The following MCTP1 variants were observed in gnomAD, a reference collection of about 807,000 sequenced individuals.
MCTP1 encodes multiple C2 and transmembrane domain-containing protein 1.
In MCTP1, 69 loss-of-function variants were observed where a neutral mutation model predicts 120.6. The ratio of observed to expected loss-of-function variants is 0.57; its 90% CI spans 0.47 to 0.70. The LOEUF (loss-of-function observed/expected upper bound fraction) is 0.70, where lower values mean the gene tolerates loss of function less well. Ranked by LOEUF, MCTP1 falls within the 30% of genes least tolerant of loss-of-function variation. The pLI is 0.00. For missense variants in MCTP1, 1,203 were observed against 1,248.8 expected (o/e 0.96, Z 0.55); for synonymous variants, 529 against 493.1 (o/e 1.07, Z -0.96).
chr5:95,280,825 T>A (rs1393693918), intron 1 of MCTP1, among the ~76,000 whole-genome samples: 1 of 152,202 alleles, frequency 6.6e-6, no homozygotes, highest in Non-Finnish European at 1.5e-5. Flanking sequence ...CTTTTACTCA[T>A]ATATACCCGT....
intron 1 of MCTP1, among the ~76,000 whole-genome samples, chr5:95,050,175 G>A (rs1745526072): frequency 6.6e-6 from 1 of 151,780 alleles, no homozygotes; most frequent in African/African-American, 2.4e-5. Context: ...TGATATCAAG[G>A]TAGGTGCTAC....
chr5:95,098,164 A>G (rs1349044253), intron 1 of MCTP1, among the ~76,000 whole-genome samples: 1 of 152,196 alleles, frequency 6.6e-6, no homozygotes, highest in Non-Finnish European at 1.5e-5. Flanking sequence ...AAGCAACCCT[A>G]GATCCTGAGA....
chr5:95,112,401 AG>A, intron 1 of MCTP1, among the ~76,000 whole-genome samples: 1 of 152,164 alleles, frequency 6.6e-6, no homozygotes, highest in Non-Finnish European at 1.5e-5. Context: ...TTTGAAAGCC[AG>A]AATATTATAT....
intron 1 of MCTP1, among the ~76,000 whole-genome samples, chr5:95,101,702 C>A (rs1265899254): frequency 6.6e-6 from 1 of 152,158 alleles, no homozygotes; most frequent in Non-Finnish European, 1.5e-5. Context: ...GTTAGTGATC[C>A]CACTCTTTCT....
At chr5:94,758,174 A>C (rs1307371341) in intron 19 of MCTP1, among the ~76,000 whole-genome samples, 1 of 152,254 alleles carries the variant, frequency 6.6e-6, no homozygotes, top group Non-Finnish European at 1.5e-5. Context: ...CAGACTAGAC[A>C]TTTGTCATAG....
intron 19 of MCTP1, among the ~76,000 whole-genome samples, chr5:94,730,288 T>C (rs929670078): frequency 6.6e-6 from 1 of 152,172 alleles, no homozygotes; most frequent in African/African-American, 2.4e-5. Context: ...GCCTCCTGAA[T>C]AGCTGGGACC....
At chr5:94,838,388 C>G (rs1208826725) in intron 17 of MCTP1, among the ~76,000 whole-genome samples, 5 of 152,290 alleles carry the variant, frequency 3.3e-5, no homozygotes, top group African/African-American at 1.2e-4. Context: ...TAATAATATT[C>G]TTGTAACTGA....
chr5:94,834,909 C>T (rs551761560), intron 17 of MCTP1, among the ~76,000 whole-genome samples: 4 of 151,442 alleles, frequency 2.6e-5, no homozygotes, highest in South Asian at 2.1e-4. Flanking sequence ...CTGCAACCTC[C>T]GCCTCCCAGG....
At chr5:95,056,235 A>C (rs1213921705) in intron 1 of MCTP1, among the ~76,000 whole-genome samples, 2 of 152,220 alleles carry the variant, frequency 1.3e-5, no homozygotes, top group African/African-American at 4.8e-5. Flanking sequence ...ATCCACTTGA[A>C]GAGTGCTTAT....
At chr5:94,788,060 T>C (rs1242954043) in intron 18 of MCTP1, among the ~76,000 whole-genome samples, 3 of 152,242 alleles carry the variant, frequency 2.0e-5, no homozygotes, top group African/African-American at 7.2e-5. Context: ...GTAACTCTTA[T>C]CTTAAAGGTG....
At chr5:94,912,534 A>C (rs1581318939) in intron 9 of MCTP1, among the ~76,000 whole-genome samples, 1 of 148,500 alleles carries the variant, frequency 6.7e-6, no homozygotes, top group East Asian at 2.0e-4. Context: ...TTATTGTTTT[A>C]ATCCACAGAG....
intron 6 of MCTP1, among the ~76,000 whole-genome samples, chr5:94,929,949 G>C (rs187632718): frequency 2.0e-5 from 3 of 152,162 alleles, no homozygotes; most frequent in African/African-American, 7.2e-5. Context: ...AAATCCCTTA[G>C]GCTAAAACCC....
At chr5:94,780,019 A>G (rs1776233365) in intron 18 of MCTP1, among the ~76,000 whole-genome samples, 1 of 152,120 alleles carries the variant, frequency 6.6e-6, no homozygotes, top group Non-Finnish European at 1.5e-5. Flanking sequence ...CACTTCACAA[A>G]CATACACATA....
chr5:95,213,015 T>G (rs998506716), intron 1 of MCTP1, among the ~76,000 whole-genome samples: 7 of 152,076 alleles, frequency 4.6e-5, no homozygotes, highest in East Asian at 1.9e-4. Context: ...TCTGGTCAGG[T>G]CAATTAGGCA....
At chr5:95,091,607 C>T (rs901697815) in intron 1 of MCTP1, among the ~76,000 whole-genome samples, 3 of 152,150 alleles carry the variant, frequency 2.0e-5, no homozygotes, top group Non-Finnish European at 4.4e-5. Context: ...GCCCAACTAG[C>T]CCTGAGACCA....
intron 8 of MCTP1, 67 bp downstream of exon 8, chr5:94,917,829 T>G (rs1336145985): frequency 1.6e-6 from 2 of 1,259,452 alleles, no homozygotes; most frequent in Non-Finnish European, 2.3e-6. Flanking sequence ...TACAGTAAGT[T>G]GGCTCTCAGA....
chr5:94,999,629 A>G (rs77145901), intron 2 of MCTP1, among the ~76,000 whole-genome samples: 16,353 of 152,212 alleles, frequency 0.11, 1,294 homozygotes, highest in East Asian at 0.42. Context: ...TTTCCACTTC[A>G]GCATAATTAA....
chr5:94,871,204 C>T, intron 14 of MCTP1, 111 bp downstream of exon 14: 1 of 756,712 alleles, frequency 1.3e-6, no homozygotes, highest in Non-Finnish European at 2.3e-6. Context: ...GTTCTTATTA[C>T]AGACCTTGGT....
At chr5:95,025,305 T>A (rs898741410) in intron 1 of MCTP1, among the ~76,000 whole-genome samples, 1 of 152,124 alleles carries the variant, frequency 6.6e-6, no homozygotes, top group African/African-American at 2.4e-5. Flanking sequence ...GTGTCAAGAA[T>A]ACACAATGGG....
Sources: gnomAD v4.1 joint callset for allele counts (sites outside exome capture counted in the v4.1 genomes callset) on GRCh38, gnomAD v4.1.1 for gene constraint, MANE v1.5 for transcripts, NCBI Gene and HGNC (gene_info 2026-07-23, HGNC 2026-07-21) for gene names.